The following PI15 variants were observed in gnomAD, a reference collection of about 807,000 sequenced individuals.
PI15 encodes 25 kDa trypsin inhibitor.
In PI15, 18 loss-of-function variants were observed where a neutral mutation model predicts 31.0. The ratio of observed to expected loss-of-function variants is 0.58; its 90% CI spans 0.40 to 0.86. The LOEUF (loss-of-function observed/expected upper bound fraction) is 0.86, where lower values mean the gene tolerates loss of function less well. Ranked by LOEUF, PI15 falls within the 40% of genes least tolerant of loss-of-function variation. The probability of loss-of-function intolerance (pLI) is 0.00; values close to 1 mark genes in which losing one functional copy is unlikely to be tolerated. For synonymous variants in PI15, 118 were observed against 119.1 expected, an observed-to-expected ratio of 0.99 and a Z score of 0.06; for missense variants, 282 against 328.1, an observed-to-expected ratio of 0.86 and a Z score of 1.09.
intron 2 of PI15, among the ~76,000 whole-genome samples, chr8:74,834,307 A>G (rs1447200064): frequency 6.6e-6 from 1 of 152,178 alleles, no homozygotes; most frequent in Non-Finnish European, 1.5e-5. Flanking sequence ...GAATTTCTTC[A>G]TGTGGAATCA....
chr8:74,841,533 A>G (rs932922493), intron 2 of PI15, among the ~76,000 whole-genome samples: 1 of 152,214 alleles, frequency 6.6e-6, no homozygotes, highest in African/African-American at 2.4e-5. Flanking sequence ...TTTTAGCGTA[A>G]GATTATAAGA....
chr8:74,827,439 T>C (rs1810715412), intron 2 of PI15, among the ~76,000 whole-genome samples: 1 of 152,174 alleles, frequency 6.6e-6, no homozygotes, highest in Non-Finnish European at 1.5e-5. Flanking sequence ...TTTATTTAAT[T>C]GCTTCCGTAT....
intron 2 of PI15, among the ~76,000 whole-genome samples, chr8:74,827,420 C>T (rs928736671): frequency 1.3e-5 from 2 of 152,102 alleles, no homozygotes; most frequent in Non-Finnish European, 2.9e-5. Context: ...TTAATTCATT[C>T]CACATGCATT....
intron 2 of PI15, among the ~76,000 whole-genome samples, chr8:74,838,168 G>A (rs1279513625): frequency 2.6e-5 from 4 of 151,200 alleles, no homozygotes; most frequent in Admixed American, 6.6e-5. Context: ...ATAATTCTAA[G>A]AAATGTAGCG....
chr8:74,847,291 C>T (rs1056206257), intron 5 of PI15, among the ~76,000 whole-genome samples: 1 of 151,762 alleles, frequency 6.6e-6, no homozygotes, highest in African/African-American at 2.4e-5. Context: ...ACTAAAAATA[C>T]AAAATTAGCT....
At position 74,845,452 on chromosome 8, in the gene PI15, C is replaced by T. The variant is rs747807835; in HGVS notation, c.596C>T (p.Ser199Phe). 30 of 1,613,790 alleles carry T rather than the reference C, an allele frequency of 1.9e-5. 1 individual carries two copies. The highest frequency in any genetic ancestry group is 5.9e-6 in the Non-Finnish European group (7 of 1,179,812). ...TGCCAAAACATGAATGTTTGGGGATCTGTGTGGCGACGTGCAGTTTACTTG... is the reference window on the plus strand; with the variant it reads ...TGCCAAAACATGAATGTTTGGGGATTTGTGTGGCGACGTGCAGTTTACTTG... ...HTCQNMNVWG[S>F]VWRRAVYLVC... Residue 199 changes from serine to phenylalanine, a missense_variant, in exon 5 of 6, where the codon TCT (serine) becomes TTT (phenylalanine). Coordinates refer to ENST00000260113, the MANE Select transcript of PI15 (RefSeq NM_015886.5).
At chr8:74,827,627 TC>T in intron 2 of PI15, among the ~76,000 whole-genome samples, 1 of 152,160 alleles carries the variant, frequency 6.6e-6, no homozygotes, top group Admixed American at 6.6e-5. Flanking sequence ...AGAATTTAGG[TC>T]TGTGTAATTT....
rs542345706 is a variant in PI15, at chr8:74,849,634, T to C, written c.*381T>C. 1 of 155,858 alleles carries C rather than the reference T, an allele frequency of 6.4e-6. No individual in the cohort carries two copies. Among genetic ancestry groups the C allele is most frequent in the African/African-American group, 2.4e-5 (1 of 41,544 alleles). The allele number at this position is 155,858 out of a possible 1,614,324, so 9.7% of individuals were successfully genotyped here. On this transcript the variant is annotated 3_prime_UTR_variant, in exon 6 of 6. Transcript: ENST00000260113. ...ATATGTATGTGTATGGATTTATATATGCACACAAACATATAATATGTGATG... is the reference window on the plus strand; with the variant it reads ...ATATGTATGTGTATGGATTTATATACGCACACAAACATATAATATGTGATG...
At chr8:74,828,348 A>C (rs756201526) in intron 2 of PI15, among the ~76,000 whole-genome samples, 7 of 152,092 alleles carry the variant, frequency 4.6e-5, no homozygotes, top group South Asian at 2.1e-4. Context: ...CAGTTCAGTT[A>C]GAAAAATGTG....
chr8:74,844,510 G>T lies in PI15; in HGVS notation c.392+411G>T, dbSNP rs916636461. 2.7e-5 allele frequency among the ~76,000 whole-genome samples: 4 copies of T among 150,208 alleles called. No individual in the cohort carries two copies. In the East Asian group the frequency reaches 5.9e-4, roughly 22 times the overall value. ...AACTTTCCCAAAGTTGCATATACCC[G>T]CATTTACATAAACATATACAATAAA... On this transcript the variant is annotated intron_variant, in intron 3 of 5. Transcript: ENST00000260113.
intron 5 of PI15, among the ~76,000 whole-genome samples, chr8:74,848,697 T>C (rs892281158): frequency 2.7e-5 from 4 of 146,488 alleles, no homozygotes; most frequent in Non-Finnish European, 3.0e-5. Flanking sequence ...TATATAAATA[T>C]ATATACAATA....
chr8:74,826,653 A>C (rs967864111), intron 2 of PI15, among the ~76,000 whole-genome samples: 3 of 152,134 alleles, frequency 2.0e-5, no homozygotes, highest in African/African-American at 4.8e-5. Context: ...ATGATTAAGA[A>C]TATGGGCTAT....
At chr8:74,831,557 C>T (rs878912444) in intron 2 of PI15, among the ~76,000 whole-genome samples, 4 of 152,030 alleles carry the variant, frequency 2.6e-5, no homozygotes, top group Admixed American at 2.6e-4. Context: ...GTGTGCCTGG[C>T]ACTGTGTGCT....
intron 2 of PI15, among the ~76,000 whole-genome samples, chr8:74,831,226 G>T (rs2128763809): frequency 6.6e-6 from 1 of 152,290 alleles, no homozygotes; most frequent in African/African-American, 2.4e-5. Context: ...GCATCAGGTG[G>T]CAGGCAGAAA....
At chr8:74,831,195 A>C (rs1485063598) in intron 2 of PI15, among the ~76,000 whole-genome samples, 1 of 152,224 alleles carries the variant, frequency 6.6e-6, no homozygotes. Context: ...AAGCAGTAAC[A>C]GGATGTGATT....
intron 2 of PI15, among the ~76,000 whole-genome samples, chr8:74,833,820 C>G (rs1810822833): frequency 6.6e-6 from 1 of 152,322 alleles, no homozygotes; most frequent in South Asian, 2.1e-4. Context: ...TTCTATCTGA[C>G]AACAAGCCCA....
Position 74,825,389 on chromosome 8 carries a change from A to T in PI15, c.140A>T (p.Gln47Leu). The T allele has an allele frequency of 6.2e-7, 1 of 1,613,558 alleles. No individual in the cohort carries two copies. The highest frequency in any genetic ancestry group is 8.5e-7 in the Non-Finnish European group (1 of 1,179,660). ...GATATTGAAGCAGCTCTGAAAGCAC[A>T]ATTAGATTCAGCGGATATCCCCAAA... The part of the protein sequence containing the change: ...FTDIEAALKA[Q>L]LDSADIPKAR... The change falls in exon 2 of 6, where the codon CAA (glutamine) becomes CTA (leucine). Residue 47 changes from glutamine (Q) to leucine (L), a missense_variant. Transcript: ENST00000260113.
At chr8:74,842,590 T>C (rs879722751) in intron 2 of PI15, among the ~76,000 whole-genome samples, 8 of 152,186 alleles carry the variant, frequency 5.3e-5, no homozygotes, top group Non-Finnish European at 1.0e-4. Flanking sequence ...TGTGTATTTT[T>C]GTACCTTATG....
In PI15 at chr8:74,854,833, TA is replaced by T. The variant is rs935508603; in HGVS notation, c.*5583del. Reference sequence around the variant, plus strand: ...ATACTGTACCATTTTAGATATTTTTTAAACAGATTAATTTGGAGAAGTTTTA... The same window carrying T: ...ATACTGTACCATTTTAGATATTTTTTAACAGATTAATTTGGAGAAGTTTTA... On this transcript the variant is annotated 3_prime_UTR_variant, in exon 6 of 6. Transcript: ENST00000260113. The T allele has an allele frequency of 6.6e-6, 1 of 152,188 alleles. No individual in the cohort carries two copies. Among genetic ancestry groups the T allele is most frequent in the Non-Finnish European group, 1.5e-5 (1 of 68,028 alleles). The allele number at this position is 152,188 out of a possible 1,614,324, so 9.4% of individuals were successfully genotyped here.
Sources: gnomAD v4.1 joint callset for allele counts (sites outside exome capture counted in the v4.1 genomes callset) on GRCh38, gnomAD v4.1.1 for gene constraint, MANE v1.5 for transcripts, NCBI Gene and HGNC (gene_info 2026-07-23, HGNC 2026-07-21) for gene names.